DOCK4: variants seen among roughly 807,000 people sequenced by gnomAD.
The protein encoded by DOCK4 is dedicator of cytokinesis 4.
Under a neutral mutation model 268.1 loss-of-function variants are expected in DOCK4, and 97 were observed. The observed-to-expected ratio is 0.36, with a 90% confidence interval of 0.31 to 0.43. The LOEUF (loss-of-function observed/expected upper bound fraction) is 0.43, where lower values mean the gene tolerates loss of function less well. Ranked by LOEUF, DOCK4 falls within the 20% of genes least tolerant of loss-of-function variation. The pLI, the probability that DOCK4 is intolerant of heterozygous loss-of-function variation, is 1.00. For synonymous variants in DOCK4, 954 were observed against 887.2 expected, an observed-to-expected ratio of 1.08 and a Z score of -1.34; for missense variants, 2,145 against 2,455.7, an observed-to-expected ratio of 0.87 and a Z score of 2.67.
chr7:111,751,366 G>A (rs1484098589), intron 42 of DOCK4, among the ~76,000 whole-genome samples: 1 of 152,152 alleles, frequency 6.6e-6, no homozygotes, highest in Non-Finnish European at 1.5e-5. Flanking sequence ...GATTGAAAGA[G>A]ACTTAGAAGA....
At chr7:111,954,356 G>A (rs781408075) in intron 8 of DOCK4, among the ~76,000 whole-genome samples, 2 of 152,138 alleles carry the variant, frequency 1.3e-5, no homozygotes, top group Non-Finnish European at 2.9e-5. Flanking sequence ...TGCAGTGGCC[G>A]CTGGACTACG....
chr7:111,998,181 C>G (rs1390964394), intron 4 of DOCK4, among the ~76,000 whole-genome samples: 1 of 152,142 alleles, frequency 6.6e-6, no homozygotes. Flanking sequence ...GAACCAACTC[C>G]TTCTGCTCAA....
intron 1 of DOCK4, among the ~76,000 whole-genome samples, chr7:112,171,363 CCATGT>C (rs1194716067): frequency 1.3e-5 from 2 of 152,054 alleles, no homozygotes; most frequent in East Asian, 3.9e-4. Context: ...AGAATTCTGA[CCATGT>C]CATATTTTTT....
Position 111,806,284 on chromosome 7 carries a change from G to T in DOCK4, c.3166+2537C>A, listed in dbSNP as rs1208968677. The stretch of plus-strand genomic sequence containing the variant: ...AACAAGCTGACTTAAGGCCTATAAG[G>T]GGTATCAAAATGTCACTCTGAATAC... On this transcript the variant is annotated intron_variant, in intron 30 of 52. Transcript: ENST00000428084. Among the ~76,000 whole-genome samples the T allele has an allele frequency of 5.9e-5, 9 of 152,170 alleles. No individual in the cohort carries two copies. In the East Asian group the frequency reaches 1.7e-3, roughly 29 times the overall value.
At chr7:111,920,139 G>A (rs896687012) in intron 12 of DOCK4, among the ~76,000 whole-genome samples, 1 of 152,174 alleles carries the variant, frequency 6.6e-6, no homozygotes, top group African/African-American at 2.4e-5. Context: ...GGATATGGGG[G>A]TTAGGGAGAG....
intron 1 of DOCK4, among the ~76,000 whole-genome samples, chr7:112,198,934 C>T (rs558340094): frequency 6.6e-6 from 1 of 152,326 alleles, no homozygotes; most frequent in African/African-American, 2.4e-5. Flanking sequence ...TTAACGACTA[C>T]ATGGTCATGT....
At chr7:112,160,188 T>C (rs1816982202) in intron 1 of DOCK4, among the ~76,000 whole-genome samples, 1 of 152,182 alleles carries the variant, frequency 6.6e-6, no homozygotes, top group African/African-American at 2.4e-5. Flanking sequence ...GGGCTCCAAG[T>C]ATATCCGACT....
At chr7:111,833,386 T>A (rs892027496) in intron 26 of DOCK4, among the ~76,000 whole-genome samples, 4 of 151,846 alleles carry the variant, frequency 2.6e-5, no homozygotes, top group African/African-American at 7.3e-5. Flanking sequence ...TACAAAAAAA[T>A]TTTAAAAATT....
At chr7:112,075,040 T>C (rs1807938339) in intron 1 of DOCK4, among the ~76,000 whole-genome samples, 2 of 152,214 alleles carry the variant, frequency 1.3e-5, no homozygotes, top group Non-Finnish European at 2.9e-5. Context: ...TTTATATTGA[T>C]GTATCTCTGT....
intron 15 of DOCK4, among the ~76,000 whole-genome samples, chr7:111,896,929 T>G (rs983716430): frequency 1.3e-5 from 2 of 152,166 alleles, no homozygotes; most frequent in African/African-American, 4.8e-5. Flanking sequence ...TAATTCATGT[T>G]TTTTAAAAAG....
chr7:111,953,853 C>G (rs1036890795), intron 8 of DOCK4: 2 of 152,204 alleles, frequency 1.3e-5, no homozygotes, highest in Non-Finnish European at 2.9e-5. Context: ...CCAGAGGTAT[C>G]CCTACCAACA....
At chr7:112,037,141 T>C (rs1803874194) in intron 1 of DOCK4, among the ~76,000 whole-genome samples, 1 of 152,182 alleles carries the variant, frequency 6.6e-6, no homozygotes, top group Non-Finnish European at 1.5e-5. Context: ...ATTCAATAAA[T>C]TACATGAGAT....
intron 16 of DOCK4, among the ~76,000 whole-genome samples, chr7:111,884,981 G>A (rs1181504715): frequency 6.6e-6 from 1 of 152,186 alleles, no homozygotes; most frequent in Non-Finnish European, 1.5e-5. Flanking sequence ...TCCCCAGGTG[G>A]GAAAAGGGTC....
rs372281327 is a variant in DOCK4 at position 111,874,001 on chromosome 7, A to G, written c.1745-1437T>C. ...GTATGACTGAAACCTTTTAAAACTG[A>G]TTGGTTATATTTGGCATATCAGATA... On this transcript the variant is annotated intron_variant, in intron 17 of 52. Transcript: ENST00000428084. Among the ~76,000 whole-genome samples the G allele has an allele frequency of 4.6e-5, 7 of 152,124 alleles. No individual in the cohort carries two copies. In the East Asian group the frequency reaches 7.7e-4, roughly 17 times the overall value.
At chr7:111,769,215 G>A (rs928119871) in intron 37 of DOCK4, among the ~76,000 whole-genome samples, 1 of 152,138 alleles carries the variant, frequency 6.6e-6, no homozygotes, top group African/African-American at 2.4e-5. Flanking sequence ...CTAAATCGGT[G>A]TTTATCAAAG....
At position 112,068,312 on chromosome 7, in the gene DOCK4, T is replaced by C. The variant is rs1283010051; in HGVS notation, c.38-64181A>G. On this transcript the variant is annotated intron_variant, in intron 1 of 52. Coordinates refer to ENST00000428084, the MANE Select transcript of DOCK4 (RefSeq NM_001363540.2). The stretch of plus-strand genomic sequence containing the variant: ...GATAAAACAATGTTAGAGCACCCTG[T>C]AATGATCTTGACAGTTATATTTACC... 2.0e-5 allele frequency among the ~76,000 whole-genome samples: 3 copies of C among 152,336 alleles called. No homozygotes were observed. The East Asian group carries it at 5.8e-4, about 29-fold the overall frequency.
intron 3 of DOCK4, 37 bp downstream of exon 3, chr7:112,000,449 TTCTTAATA>T (rs761969631): frequency 1.0e-5 from 12 of 1,177,438 alleles, no homozygotes; most frequent in East Asian, 2.6e-5. Flanking sequence ...ATAACTATCT[TTCTTAATA>T]AATTTCATAA....
chr7:111,918,808 G>T (rs1356493971), intron 12 of DOCK4, among the ~76,000 whole-genome samples: 1 of 152,138 alleles, frequency 6.6e-6, no homozygotes, highest in Non-Finnish European at 1.5e-5. Flanking sequence ...TTCAAATCCT[G>T]ACGTACTATA....
chr7:112,190,655 C>G (rs912565017), intron 1 of DOCK4, among the ~76,000 whole-genome samples: 2 of 151,340 alleles, frequency 1.3e-5, no homozygotes, highest in Admixed American at 1.3e-4. Flanking sequence ...TGACTTTGAA[C>G]TCTATCCTGA....
Sources: gnomAD v4.1 joint callset for allele counts (sites outside exome capture counted in the v4.1 genomes callset) on GRCh38, gnomAD v4.1.1 for gene constraint, MANE v1.5 for transcripts, NCBI Gene and HGNC (gene_info 2026-07-23, HGNC 2026-07-21) for gene names.